Variants in EPPK1 observed in about 807,000 individuals in gnomAD.
EPPK1 encodes epiplakin.
For missense variants in EPPK1, 3,823 were observed against 3,673.3 expected (o/e 1.04, Z -1.05); for synonymous variants, 1,862 against 1,721.2 (o/e 1.08, Z -2.03).
Position 143,867,680 on chromosome 8 carries a change from G to C in EPPK1, c.5574C>G (p.Asp1858Glu). 6.2e-7 allele frequency: 1 copy of C among 1,613,514 alleles called. No homozygotes were observed. The highest frequency in any genetic ancestry group is 8.5e-7 in the Non-Finnish European group (1 of 1,179,852). Reference protein sequence around the residue: ...AAIRGEVTAADLFNSRVIDQK... With the variant: ...AAIRGEVTAAELFNSRVIDQK... ...GATCGATGACCCTGGAGTTGAACAG[G>C]TCTGCAGCTGTCACCTCCCCTCTGA... The change falls in exon 2 of 2, where the codon GAC becomes GAG. Residue 1858 changes from aspartate to glutamate, a missense_variant. Coordinates refer to ENST00000615648, the MANE Select transcript of EPPK1 (RefSeq NM_031308.4).
At position 143,869,675 on chromosome 8, in the gene EPPK1, G is replaced by T. The variant is rs375997470; in HGVS notation, c.3579C>A (p.Arg1193=). ...CACCCCGTGGGCCGGGCACCATGAC[G>T]CGGGCCTGGGCCAGGAGCTTGGTCT... ...VQETKLLAQA[R]VMVPGPRGEV... is the part of the protein sequence containing the mutation. The change falls in exon 2 of 2, where the codon CGC becomes CGA. Residue 1193 remains arginine, a synonymous_variant. Coordinates refer to ENST00000615648, the MANE Select transcript of EPPK1 (RefSeq NM_031308.4). 3.8e-6 allele frequency: 6 copies of T among 1,595,638 alleles called. No individual in the cohort carries two copies. In the Admixed American group the frequency reaches 5.2e-5, roughly 14 times the overall value.
chr8:143,869,938 C>T lies in EPPK1; in HGVS notation c.3316G>A (p.Glu1106Lys), dbSNP rs377271599. The change falls in exon 2 of 2, where the codon GAG becomes AAG. Residue 1106 changes from glutamate (E) to lysine (K), a missense_variant. Physicochemically the swap from Glu to Lys is moderately conservative, Grantham distance 56 (BLOSUM62 1). Coordinates refer to ENST00000615648, the MANE Select transcript of EPPK1 (RefSeq NM_031308.4). ...AQLLEECPRD[E>K]TSGLHLLPLP... ...GGCAGGAGGTGAAGGCCAGAAGTCT[C>T]ATCCCTGGGGCACTCCTCCAGGAGC... 27 of 1,608,690 alleles carry T rather than the reference C, an allele frequency of 1.7e-5. No homozygotes were observed. The African/African-American group carries it at 2.7e-4, about 16-fold the overall frequency.
chr8:143,866,657 G>A lies in EPPK1; in HGVS notation c.6597C>T (p.Asp2199=). The change falls in exon 2 of 2, where the codon GAC becomes GAT. Residue 2199 remains aspartate, a synonymous_variant. Coordinates refer to ENST00000615648, the MANE Select transcript of EPPK1 (RefSeq NM_031308.4). ...SAIITEEMLQ[D]LETGRSTTQE... ...GCGTCGTGCTCCGTCCCGTTTCCAG[G>A]TCCTGGAGCATTTCCTCCGTGATTA... The A allele has an allele frequency of 6.2e-7, 1 of 1,613,114 alleles. No homozygotes were observed.
chr8:143,875,089 G>T (rs1554662184), intron 1 of EPPK1, among the ~76,000 whole-genome samples: 2 of 152,134 alleles, frequency 1.3e-5, no homozygotes, highest in African/African-American at 4.8e-5. Flanking sequence ...CAGGAGCCCA[G>T]CCTGTCCTGG....
chr8:143,873,319 C>T, intron 1 of EPPK1, 21 bp from the exon 2 acceptor site: 1 of 1,425,042 alleles, frequency 7.0e-7, no homozygotes. Context: ...CAGAAAGGCT[C>T]AATCAGGGAC....
In EPPK1 at chr8:143,869,042, AAAG is replaced by A. The variant is rs782776332; in HGVS notation, c.4209_4211del (p.Phe1404del). 2.1e-5 allele frequency: 34 copies of A among 1,609,624 alleles called. No individual in the cohort carries two copies. The African/African-American group carries it at 3.5e-4, about 16-fold the overall frequency. On this transcript the variant is annotated inframe_deletion, in exon 2 of 2. Transcript: ENST00000615648. ...TCACCTGGTCCCGCGCACTGGGGTC[AAAG>A]AAGAACTTGTTGTCCTTGTCAACTG...
rs1173992103 is a variant in EPPK1, at chr8:143,871,819, C to T, written c.1435G>A (p.Gly479Arg). ...SGGPRGGEPQ[G>R]PPFIKYSTRQ... ...GTGCTGTACTTGATGAATGGGGGTCCCTGGGGCTCCCCTCCCCGGGGTCCC... is the reference window on the plus strand; with the variant it reads ...GTGCTGTACTTGATGAATGGGGGTCTCTGGGGCTCCCCTCCCCGGGGTCCC... The change falls in exon 2 of 2, where the codon GGA (glycine) becomes AGA (arginine). Residue 479 changes from glycine (G) to arginine (R), a missense_variant. Transcript: ENST00000615648. The T allele has an allele frequency of 2.5e-6, 4 of 1,612,190 alleles. No individual in the cohort carries two copies. Among genetic ancestry groups the T allele is most frequent in the Non-Finnish European group, 3.4e-6 (4 of 1,179,808 alleles).
rs372412135 is a variant in EPPK1 at position 143,868,163 on chromosome 8, G to C, written c.5091C>G (p.His1697Gln). The C allele has an allele frequency of 1.2e-6, 2 of 1,613,156 alleles. No homozygotes were observed. Among genetic ancestry groups the C allele is most frequent in the Non-Finnish European group, 1.7e-6 (2 of 1,180,020 alleles). ...GGTAGGCCACGTCCACGGGCACGCG[G>C]TGGCTGTGCACGGGGTCGATGATGC... ...TGGIIDPVHSHRVPVDVAYRC... is the reference protein window; with the variant it reads ...TGGIIDPVHSQRVPVDVAYRC... The change falls in exon 2 of 2, where the codon CAC (histidine) becomes CAG (glutamine). Residue 1697 changes from histidine (H) to glutamine (Q), a missense_variant. By Grantham distance (24) the His-to-Gln change is conservative (BLOSUM62 0). Transcript: ENST00000615648.
At position 143,858,019 on chromosome 8, in the gene EPPK1, C is replaced by A. The variant is rs1818935837; in HGVS notation, c.15235G>T (p.Gly5079Trp). 1 of 1,610,498 alleles carries A rather than the reference C, an allele frequency of 6.2e-7. No homozygotes were observed. The highest frequency in any genetic ancestry group is 8.5e-7 in the Non-Finnish European group (1 of 1,178,436). The change falls in exon 2 of 2, where the codon GGG (glycine) becomes TGG (tryptophan). Residue 5079 changes from glycine (G) to tryptophan (W), a missense_variant. Physicochemically the swap from Gly to Trp is radical, Grantham distance 184. Coordinates refer to ENST00000615648, the MANE Select transcript of EPPK1 (RefSeq NM_031308.4). ...LQRATLDPET[G>W]LLFLSLSLQ Reference sequence around the variant, plus strand: ...AGAGAGAGAGAAAGAAATAGGAGCCCCGTCTCAGGGTCCAGGGTGGCCCTC... The same window carrying A: ...AGAGAGAGAGAAAGAAATAGGAGCCACGTCTCAGGGTCCAGGGTGGCCCTC...
In EPPK1 at chr8:143,866,986, G is replaced by T; in HGVS notation, c.6268C>A (p.Arg2090=). ...WLLFPVNKAA[R]DSEHIDDETR... is the part of the protein sequence containing the mutation. ...TCGTCATCGATGTGCTCGGAGTCCC[G>T]TGCAGCCTTGTTCACTGGGAACAGC... The change falls in exon 2 of 2, where the codon CGG becomes AGG. Residue 2090 remains arginine, a synonymous_variant. Transcript: ENST00000615648. The T allele has an allele frequency of 6.2e-7, 1 of 1,612,696 alleles. No individual in the cohort carries two copies. The highest frequency in any genetic ancestry group is 8.5e-7 in the Non-Finnish European group (1 of 1,179,864).
rs1819112732 is a variant in EPPK1, at chr8:143,866,562, A to T, written c.6692T>A (p.Val2231Glu). The T allele has an allele frequency of 2.5e-6, 4 of 1,607,566 alleles. No individual in the cohort carries two copies. Among genetic ancestry groups the T allele is most frequent in the Non-Finnish European group, 3.4e-6 (4 of 1,177,540 alleles). The change falls in exon 2 of 2, where the codon GTG (valine) becomes GAG (glutamate). Residue 2231 changes from valine (V) to glutamate (E), a missense_variant. Physicochemically the swap from Val to Glu is moderately radical, Grantham distance 121. Transcript: ENST00000615648. ...EGTSCIAGVL[V>E]PAKDQPGRQE... ...GCGGCCGGGCTGGTCCTTGGCGGGCACCAGGACGCCCGCGATGCAGCTGGT... is the reference window on the plus strand; with the variant it reads ...GCGGCCGGGCTGGTCCTTGGCGGGCTCCAGGACGCCCGCGATGCAGCTGGT...
intron 1 of EPPK1, among the ~76,000 whole-genome samples, chr8:143,877,776 T>C (rs1819509657): frequency 6.6e-6 from 1 of 152,014 alleles, no homozygotes; most frequent in Admixed American, 6.5e-5. Flanking sequence ...CAGAGATCAG[T>C]GGCCCCAATA....
Position 143,868,115 on chromosome 8 carries a change from C to A in EPPK1, c.5139G>T (p.Glu1713Asp), listed in dbSNP as rs1819200857. The change falls in exon 2 of 2, where the codon GAG becomes GAT. Residue 1713 changes from glutamate (E) to aspartate (D), a missense_variant. Transcript: ENST00000615648. ...VAYRCGYFDE[E>D]MNRILADPSD... The stretch of plus-strand genomic sequence containing the variant: ...TGGGGTCCGCCAGGATGCGGTTCAT[C>A]TCCTCGTCGAAGTAGCCGCAGCGGT... The A allele has an allele frequency of 6.2e-7, 1 of 1,613,164 alleles. No individual in the cohort carries two copies. The highest frequency in any genetic ancestry group is 8.5e-7 in the Non-Finnish European group (1 of 1,180,000).
rs1554661099 is a variant in EPPK1, at chr8:143,871,309, C to T, written c.1945G>A (p.Ala649Thr). ...TALILLEAQA[A>T]TGFIIDPKAN... ...TTTGGGTCGATGATGAAGCCTGTGG[C>T]AGCTTGTGCCTCCAGAAGGATGAGG... The change falls in exon 2 of 2, where the codon GCC (alanine) becomes ACC (threonine). Residue 649 changes from alanine to threonine, a missense_variant. Ala to Thr is a moderately conservative substitution (Grantham distance 58). Coordinates refer to ENST00000615648, the MANE Select transcript of EPPK1 (RefSeq NM_031308.4). 1 of 1,612,292 alleles carries T rather than the reference C, an allele frequency of 6.2e-7. No individual in the cohort carries two copies. Among genetic ancestry groups the T allele is most frequent in the East Asian group, 2.2e-5 (1 of 44,870 alleles).
chr8:143,874,605 C>T (rs1819445378), intron 1 of EPPK1, among the ~76,000 whole-genome samples: 1 of 152,180 alleles, frequency 6.6e-6, no homozygotes, highest in Non-Finnish European at 1.5e-5. Context: ...GCGGCCCTGC[C>T]CACTCCTCGC....
rs1295816938 is a variant in EPPK1 at position 143,869,799 on chromosome 8, T to C, written c.3455A>G (p.His1152Arg). The change falls in exon 2 of 2, where the codon CAC becomes CGC. Residue 1152 changes from histidine (H) to arginine (R), a missense_variant. Transcript: ENST00000615648. The part of the protein sequence containing the change: ...TSLWDLLSSC[H>R]FTEEQRRGLL... ...GCCCCTCCGTTGCTCCTCGGTGAAG[T>C]GGCAGGAGCTGAGCAGGTCCCAGAG... 5.0e-6 allele frequency: 8 copies of C among 1,601,384 alleles called. No individual in the cohort carries two copies. The highest frequency in any genetic ancestry group is 1.7e-5 in the Admixed American group (1 of 58,354).
Position 143,858,025 on chromosome 8 carries a change from C to T in EPPK1, c.15229G>A (p.Glu5077Lys), listed in dbSNP as rs782809355. The change falls in exon 2 of 2, where the codon GAG becomes AAG. Residue 5077 changes from glutamate (E) to lysine (K), a missense_variant. Glu to Lys is a moderately conservative substitution (Grantham distance 56, BLOSUM62 1). Coordinates refer to ENST00000615648, the MANE Select transcript of EPPK1 (RefSeq NM_031308.4). Reference protein sequence around the residue: ...QLLQRATLDPETGLLFLSLSL... With the variant: ...QLLQRATLDPKTGLLFLSLSL... ...AGAGAAAGAAATAGGAGCCCCGTCT[C>T]AGGGTCCAGGGTGGCCCTCTGCAGA... 3 of 1,611,576 alleles carry T rather than the reference C, an allele frequency of 1.9e-6. No individual in the cohort carries two copies. The highest frequency in any genetic ancestry group is 2.7e-5 in the African/African-American group (2 of 74,850).
In EPPK1 at chr8:143,872,083, C is replaced by T; in HGVS notation, c.1171G>A (p.Ala391Thr). ...AGCTGGGCATCCAAGAGCCGCAGTGCCAGTGGCCTGTCCACTAGCCCCTTC... is the reference window on the plus strand; with the variant it reads ...AGCTGGGCATCCAAGAGCCGCAGTGTCAGTGGCCTGTCCACTAGCCCCTTC... The part of the protein sequence containing the change: ...MKKGLVDRPL[A>T]LRLLDAQLAT... Residue 391 changes from alanine to threonine, a missense_variant, in exon 2 of 2, where the codon GCA becomes ACA. By Grantham distance (58) the Ala-to-Thr change is moderately conservative. Transcript: ENST00000615648. 1 of 1,562,918 alleles carries T rather than the reference C, an allele frequency of 6.4e-7. No individual in the cohort carries two copies. The highest frequency in any genetic ancestry group is 8.7e-7 in the Non-Finnish European group (1 of 1,153,910).
chr8:143,866,434 C>T lies in EPPK1; in HGVS notation c.6820G>A (p.Asp2274Asn), dbSNP rs1343162878. 441 of 1,321,408 alleles carry T rather than the reference C, an allele frequency of 3.3e-4. No homozygotes were observed. Among genetic ancestry groups the T allele is most frequent in the African/African-American group, 1.3e-3 (81 of 63,482 alleles). The allele number at this position is 1,321,408 out of a possible 1,614,324, so 81.9% of individuals were successfully genotyped here. Residue 2274 changes from aspartate to asparagine, a missense_variant, in exon 2 of 2, where the codon GAC (aspartate) becomes AAC (asparagine). Physicochemically the swap from Asp to Asn is conservative, Grantham distance 23. Coordinates refer to ENST00000615648, the MANE Select transcript of EPPK1 (RefSeq NM_031308.4). ...EAQAATGFVI[D>N]PVRNLRLSVE... is the part of the protein sequence containing the mutation. ...GACAGCCTCAGGTTGCGCACGGGGT[C>T]GATGACGAAGCCGGTGGCCGCCTGC...
Sources: allele counts gnomAD v4.1 joint callset (sites outside exome capture counted in the v4.1 genomes callset), GRCh38; gene constraint gnomAD v4.1.1; transcripts MANE v1.5; gene names NCBI Gene and HGNC (gene_info 2026-07-23, HGNC 2026-07-21).